The following CRYBG1 variants were observed in gnomAD, a reference collection of about 807,000 sequenced individuals.
CRYBG1 encodes crystallin beta-gamma domain containing 1.
A neutral mutation model predicts 189.2 loss-of-function variants in CRYBG1; 139 were observed. The ratio of observed to expected loss-of-function variants is 0.73; its 90% CI spans 0.64 to 0.85. The LOEUF is 0.85. CRYBG1 is among the 40% of genes least tolerant of loss of function. The probability of loss-of-function intolerance (pLI) is 0.00; values close to 1 mark genes in which losing one functional copy is unlikely to be tolerated. For missense variants in CRYBG1, 2,611 were observed against 2,675.8 expected, an observed-to-expected ratio of 0.98 and a Z score of 0.53; for synonymous variants, 1,023 against 1,017.1, an observed-to-expected ratio of 1.01 and a Z score of -0.11.
intron 2 of CRYBG1, among the ~76,000 whole-genome samples, chr6:106,452,677 T>A (rs1386526190): frequency 3.3e-5 from 5 of 152,236 alleles, no homozygotes; most frequent in Non-Finnish European, 7.3e-5. Flanking sequence ...TACTTCTTAA[T>A]ATCTAGATGC....
intron 1 of CRYBG1, among the ~76,000 whole-genome samples, chr6:106,391,262 A>G (rs977466051): frequency 6.6e-6 from 1 of 152,058 alleles, no homozygotes; most frequent in Non-Finnish European, 1.5e-5. Context: ...TTTGTATTTT[A>G]GTAGAGATGG....
At chr6:106,493,334 C>G (rs1772766528) in intron 2 of CRYBG1, among the ~76,000 whole-genome samples, 1 of 152,134 alleles carries the variant, frequency 6.6e-6, no homozygotes, top group South Asian at 2.1e-4. Flanking sequence ...TGGCCACTAT[C>G]AAAAAATAAT....
chr6:106,504,701 T>C (rs545979469), intron 2 of CRYBG1, among the ~76,000 whole-genome samples: 2 of 152,128 alleles, frequency 1.3e-5, no homozygotes, highest in South Asian at 4.2e-4. Context: ...ACATATATTA[T>C]CCCAATCAAT....
Position 106,530,172 on chromosome 6 carries a change from T to C in CRYBG1, c.4579-4T>C. The C allele has an allele frequency of 6.2e-7, 1 of 1,605,298 alleles. No homozygotes were observed. Among genetic ancestry groups the C allele is most frequent in the Non-Finnish European group, 8.5e-7 (1 of 1,175,530 alleles). On this transcript the variant is annotated splice_region_variant and splice_polypyrimidine_tract_variant and intron_variant, in intron 7 of 21. Coordinates refer to ENST00000633556, the MANE Select transcript of CRYBG1 (RefSeq NM_001371242.2). ...TTACTATCTATGCATCTATATTTTT[T>C]CAGGATTACAGAGTTAGTCACATTG...
intron 1 of CRYBG1, among the ~76,000 whole-genome samples, chr6:106,445,779 A>G (rs961947640): frequency 3.9e-5 from 6 of 152,228 alleles, no homozygotes; most frequent in Admixed American, 6.5e-5. Context: ...ATACATTGCT[A>G]TATTTGATCC....
chr6:106,510,556 G>A (rs1773229243), intron 2 of CRYBG1, among the ~76,000 whole-genome samples: 1 of 151,934 alleles, frequency 6.6e-6, no homozygotes, highest in Non-Finnish European at 1.5e-5. Flanking sequence ...CGGCCCCTGG[G>A]GCTCCAGCCG....
intron 1 of CRYBG1, among the ~76,000 whole-genome samples, chr6:106,388,340 C>T (rs1348234561): frequency 6.6e-6 from 1 of 152,098 alleles, no homozygotes; most frequent in Non-Finnish European, 1.5e-5. Context: ...TGGCCATGCA[C>T]TTATTTCATA....
At chr6:106,498,298 A>G (rs1473672893) in intron 2 of CRYBG1, among the ~76,000 whole-genome samples, 3 of 152,196 alleles carry the variant, frequency 2.0e-5, no homozygotes, top group African/African-American at 4.8e-5. Context: ...CACCTGTATT[A>G]CTAGACATAA....
At chr6:106,539,015 A>G (rs1204848036) in intron 8 of CRYBG1, among the ~76,000 whole-genome samples, 1 of 152,188 alleles carries the variant, frequency 6.6e-6, no homozygotes, top group East Asian at 1.9e-4. Flanking sequence ...AATGGGGACA[A>G]TAGCTTCTCT....
chr6:106,539,295 C>T lies in CRYBG1; in HGVS notation c.4719-108C>T, dbSNP rs1338839276. ...AGTCCAACCATTCATTATGTAGGTCCGTATCCTCTCCTGTTCTTTTCCTCT... is the reference window on the plus strand; with the variant it reads ...AGTCCAACCATTCATTATGTAGGTCTGTATCCTCTCCTGTTCTTTTCCTCT... On this transcript the variant is annotated intron_variant, in intron 8 of 21. Coordinates refer to ENST00000633556, the MANE Select transcript of CRYBG1 (RefSeq NM_001371242.2). 4.2e-5 allele frequency: 56 copies of T among 1,322,034 alleles called. No individual in the cohort carries two copies. In the South Asian group the frequency reaches 5.2e-4, roughly 12 times the overall value. 81.9% of individuals were successfully genotyped at this position (1,322,034 alleles called of 1,614,324 possible).
chr6:106,417,480 G>C (rs905376447), intron 1 of CRYBG1, among the ~76,000 whole-genome samples: 1 of 152,120 alleles, frequency 6.6e-6, no homozygotes, highest in Non-Finnish European at 1.5e-5. Flanking sequence ...GTAGTACTCT[G>C]TCCCCACAGA....
intron 2 of CRYBG1, among the ~76,000 whole-genome samples, chr6:106,510,893 A>G (rs886468314): frequency 6.6e-6 from 1 of 152,182 alleles, no homozygotes; most frequent in Non-Finnish European, 1.5e-5. Flanking sequence ...TTCATGTTGC[A>G]AGTACTAGAT....
At chr6:106,533,481 C>T (rs1024983938) in intron 8 of CRYBG1, among the ~76,000 whole-genome samples, 8 of 152,066 alleles carry the variant, frequency 5.3e-5, no homozygotes, top group Admixed American at 3.3e-4. Context: ...CCTGTCTGTT[C>T]GTATAGAAAA....
In CRYBG1 at chr6:106,505,926, G is replaced by A. The variant is rs183671341; in HGVS notation, c.313-5504G>A. On this transcript the variant is annotated intron_variant, in intron 2 of 21. Coordinates refer to ENST00000633556, the MANE Select transcript of CRYBG1 (RefSeq NM_001371242.2). ...AGTGAGAGCTCTTAGGGAATCACAC[G>A]TGTTTAAAAAAAAAAGTTACTTTTG... is the stretch of plus-strand genomic sequence containing the variant. Among the ~76,000 whole-genome samples the A allele has an allele frequency of 7.3e-5, 11 of 151,700 alleles. No individual in the cohort carries two copies. In the East Asian group the frequency reaches 1.4e-3, roughly 19 times the overall value.
intron 1 of CRYBG1, among the ~76,000 whole-genome samples, chr6:106,364,190 G>A (rs1265831111): frequency 6.6e-6 from 1 of 152,104 alleles, no homozygotes; most frequent in Admixed American, 6.5e-5. Context: ...AGCTGGGCAT[G>A]GTGGCTCACA....
intron 13 of CRYBG1, among the ~76,000 whole-genome samples, chr6:106,547,175 T>C (rs1390977623): frequency 1.0e-5 from 1 of 95,692 alleles, no homozygotes; most frequent in Non-Finnish European, 2.3e-5. Context: ...GGGAGCTACG[T>C]ACACATACGT....
At position 106,527,325 on chromosome 6, in the gene CRYBG1, C is replaced by T. The variant is rs192985220; in HGVS notation, c.4433C>T (p.Pro1478Leu). The stretch of plus-strand genomic sequence containing the variant: ...GTTAGTTGGATTTTGTATGAGCAAC[C>T]AAATTTTGAAGGGCACTCCATCCCC... ...VRGCWILYEQ[P>L]NFEGHSIPLE... is the part of the protein sequence containing the mutation. The change falls in exon 7 of 22, where the codon CCA becomes CTA. Residue 1478 changes from proline (P) to leucine (L), a missense_variant. Coordinates refer to ENST00000633556, the MANE Select transcript of CRYBG1 (RefSeq NM_001371242.2). The T allele has an allele frequency of 4.8e-5, 77 of 1,610,560 alleles. No homozygotes were observed. The East Asian group carries it at 1.6e-3, about 33-fold the overall frequency.
intron 2 of CRYBG1, among the ~76,000 whole-genome samples, chr6:106,484,236 T>C (rs1220745532): frequency 6.6e-6 from 1 of 152,206 alleles, no homozygotes; most frequent in East Asian, 1.9e-4. Context: ...TGCTATTTTG[T>C]CTACCATAGC....
intron 7 of CRYBG1, among the ~76,000 whole-genome samples, chr6:106,528,571 C>G (rs1337156932): frequency 2.0e-5 from 3 of 151,876 alleles, no homozygotes; most frequent in African/African-American, 7.3e-5. Flanking sequence ...CTTTTTTTCT[C>G]TTTATACCAC....
Sources: gnomAD v4.1 joint callset for allele counts (sites outside exome capture counted in the v4.1 genomes callset) on GRCh38, gnomAD v4.1.1 for gene constraint, MANE v1.5 for transcripts, NCBI Gene and HGNC (gene_info 2026-07-23, HGNC 2026-07-21) for gene names.